ALG6: variants seen among roughly 807,000 people sequenced by gnomAD.
ALG6 encodes ALG6 alpha-1,3-glucosyltransferase.
A neutral mutation model predicts 66.6 loss-of-function variants in ALG6; 46 were observed. That is an observed-to-expected ratio of 0.69 (90% CI 0.55 to 0.88). The LOEUF is 0.88. Ranked by LOEUF, ALG6 falls within the 40% of genes least tolerant of loss-of-function variation. The pLI, the probability that ALG6 is intolerant of heterozygous loss-of-function variation, is 0.00. For missense variants in ALG6, 505 were observed against 586.8 expected (o/e 0.86, Z 1.44); for synonymous variants, 185 against 203.7 (o/e 0.91, Z 0.78).
chr1:63,389,917 C>G (rs1648618003), intron 2 of ALG6, among the ~76,000 whole-genome samples: 1 of 152,208 alleles, frequency 6.6e-6, no homozygotes, highest in African/African-American at 2.4e-5. Flanking sequence ...TTTTCCCTTA[C>G]TTTCCCCCAA....
At chr1:63,402,500 T>G (rs966902150) in intron 4 of ALG6, among the ~76,000 whole-genome samples, 157 bp downstream of exon 4, 9 of 122,902 alleles carry the variant, frequency 7.3e-5, no homozygotes, top group Non-Finnish European at 1.3e-4. Flanking sequence ...GAAGTCTCAC[T>G]CCATCGCCCA....
rs143810984 is a variant in ALG6 at position 63,411,406 on chromosome 1, A to G, written c.680+75A>G. ...TTTTGGCATACTTACTTGCAGTAAG[A>G]TGATCTTTCACTTTGCCTTTTGGTG... On this transcript the variant is annotated intron_variant, in intron 8 of 14. Coordinates refer to ENST00000263440, the MANE Select transcript of ALG6 (RefSeq NM_013339.4). 2.7e-5 allele frequency: 37 copies of G among 1,352,980 alleles called. No homozygotes were observed. In the East Asian group the frequency reaches 8.7e-4, roughly 32 times the overall value. 83.8% of individuals were successfully genotyped at this position (1,352,980 alleles called of 1,614,324 possible).
In ALG6 at chr1:63,370,994, T is replaced by G; in HGVS notation, c.17T>G (p.Leu6Trp). The change falls in exon 2 of 15, where the codon TTG becomes TGG. Residue 6 changes from leucine (L) to tryptophan (W), a missense_variant. Physicochemically the swap from Leu to Trp is moderately conservative, Grantham distance 61. Coordinates refer to ENST00000263440, the MANE Select transcript of ALG6 (RefSeq NM_013339.4). The part of the protein sequence containing the change: MEKWY[L>W]MTVVVLIGLT... ...TGAAGAACTATGGAGAAATGGTACT[T>G]GATGACAGTAGTGGTTTTAATAGGA... 1.2e-6 allele frequency: 2 copies of G among 1,608,992 alleles called. No homozygotes were observed. Among genetic ancestry groups the G allele is most frequent in the Non-Finnish European group, 1.7e-6 (2 of 1,175,414 alleles).
intron 2 of ALG6, among the ~76,000 whole-genome samples, chr1:63,371,630 A>G (rs1171960984): frequency 6.6e-6 from 1 of 151,174 alleles, no homozygotes; most frequent in African/African-American, 2.4e-5. Flanking sequence ...TTTGATACGG[A>G]GCCTCGCTGT....
intron 14 of ALG6, among the ~76,000 whole-genome samples, chr1:63,434,432 C>T (rs1644667181): frequency 6.6e-6 from 1 of 151,988 alleles, no homozygotes; most frequent in African/African-American, 2.4e-5. Context: ...ATGAGGAGAC[C>T]AAGAGTTTTT....
chr1:63,429,367 C>T lies in ALG6; in HGVS notation c.1326+241C>T, dbSNP rs1570090825. On this transcript the variant is annotated intron_variant, in intron 14 of 14. Transcript: ENST00000263440. ...TTCTGTACCCATTAGCATTCATTCCCAATTCTATTCTCACTCCTAACTCCC... is the reference window on the plus strand; with the variant it reads ...TTCTGTACCCATTAGCATTCATTCCTAATTCTATTCTCACTCCTAACTCCC... 9.8e-6 allele frequency: 4 copies of T among 407,026 alleles called. No homozygotes were observed. In the East Asian group the frequency reaches 1.9e-4, roughly 20 times the overall value. The allele number at this position is 407,026 out of a possible 1,614,324, so 25.2% of individuals were successfully genotyped here.
chr1:63,427,305 G>A (rs527529784), intron 12 of ALG6, among the ~76,000 whole-genome samples: 19 of 151,690 alleles, frequency 1.3e-4, no homozygotes, highest in Non-Finnish European at 2.6e-4. Flanking sequence ...GAGCCACTGC[G>A]CCCGGCCTAG....
chr1:63,381,521 G>A (rs1648306388), intron 2 of ALG6, among the ~76,000 whole-genome samples: 1 of 152,036 alleles, frequency 6.6e-6, no homozygotes, highest in Non-Finnish European at 1.5e-5. Flanking sequence ...GCGCATGCCT[G>A]TAGTCCCAGC....
Position 63,404,514 on chromosome 1 carries a change from G to T in ALG6, c.319G>T (p.Ala107Ser). The T allele has an allele frequency of 1.2e-6, 2 of 1,613,716 alleles. No individual in the cohort carries two copies. Among genetic ancestry groups the T allele is most frequent in the Non-Finnish European group, 1.7e-6 (2 of 1,179,722 alleles). Residue 107 changes from alanine (A) to serine (S), a missense_variant, in exon 5 of 15, where the codon GCA becomes TCA. Physicochemically the swap from Ala to Ser is moderately conservative, Grantham distance 99. Coordinates refer to ENST00000263440, the MANE Select transcript of ALG6 (RefSeq NM_013339.4). ...TACATCACGTGGATATGAGAGTCAG[G>T]CACATAAGCTCTTCATGCGTACAAC... Reference protein sequence around the residue: ...LHTSRGYESQAHKLFMRTTVL... With the variant: ...LHTSRGYESQSHKLFMRTTVL...
At position 63,428,978 on chromosome 1, in the gene ALG6, C is replaced by A. The variant is rs1644631363; in HGVS notation, c.1178C>A (p.Thr393Lys). 1.9e-6 allele frequency: 3 copies of A among 1,612,970 alleles called. No homozygotes were observed. The highest frequency in any genetic ancestry group is 2.5e-6 in the Non-Finnish European group (3 of 1,179,622). The change falls in exon 14 of 15, where the codon ACA becomes AAA. Residue 393 changes from threonine to lysine, a missense_variant. Coordinates refer to ENST00000263440, the MANE Select transcript of ALG6 (RefSeq NM_013339.4). ...GAACTCCTAATGCCCTCTGTTGTGA[C>A]AACAATGGCATTTTTTATAGCTTGT... ...KDELLMPSVV[T>K]TMAFFIACVT...
chr1:63,405,157 TCTC>T (rs1348262654), intron 5 of ALG6, among the ~76,000 whole-genome samples: 1 of 152,118 alleles, frequency 6.6e-6, no homozygotes, highest in Non-Finnish European at 1.5e-5. Context: ...CAGAGTTTGT[TCTC>T]CTTACAATTC....
At chr1:63,422,363 A>G (rs1644588088) in intron 12 of ALG6, among the ~76,000 whole-genome samples, 1 of 120,556 alleles carries the variant, frequency 8.3e-6, no homozygotes, top group African/African-American at 3.2e-5. Flanking sequence ...CTATATAAAT[A>G]TAAATATATA....
chr1:63,384,576 TAG>T (rs575779548), intron 2 of ALG6, among the ~76,000 whole-genome samples: 36 of 152,218 alleles, frequency 2.4e-4, no homozygotes, highest in Admixed American at 7.9e-4. Flanking sequence ...ACCAATGTCC[TAG>T]AGAGTTTCCC....
chr1:63,436,901 T>C lies in ALG6; in HGVS notation c.1405T>C (p.Leu469=). 6.2e-7 allele frequency: 1 copy of C among 1,613,936 alleles called. No individual in the cohort carries two copies. The highest frequency in any genetic ancestry group is 8.5e-7 in the Non-Finnish European group (1 of 1,179,822). Residue 469 remains leucine (L), a synonymous_variant, in exon 15 of 15, where the codon TTG becomes CTG. Transcript: ENST00000263440. ...GGATCCTCCTCAGAAACTACCGGAC[T>C]TGTTTTCTGTATTGGTGTGTTTTGT... ...TLDPPQKLPD[L]FSVLVCFVSC... is the part of the protein sequence containing the mutation.
At chr1:63,379,106 C>T (rs537826465) in intron 2 of ALG6, among the ~76,000 whole-genome samples, 3 of 152,046 alleles carry the variant, frequency 2.0e-5, no homozygotes, top group Non-Finnish European at 2.9e-5. Context: ...TCTCCTGACC[C>T]TTGCTCATGG....
intron 2 of ALG6, among the ~76,000 whole-genome samples, chr1:63,372,419 G>A (rs1239079533): frequency 1.3e-5 from 2 of 151,814 alleles, no homozygotes; most frequent in East Asian, 3.9e-4. Flanking sequence ...TACTATATAC[G>A]AAGATACATA....
Position 63,436,893 on chromosome 1 carries a change from T to C in ALG6, c.1397T>C (p.Leu466Pro). 6.2e-7 allele frequency: 1 copy of C among 1,613,932 alleles called. No homozygotes were observed. The highest frequency in any genetic ancestry group is 1.1e-5 in the South Asian group (1 of 91,078). The change falls in exon 15 of 15, where the codon CTA (leucine) becomes CCA (proline). Residue 466 changes from leucine to proline, a missense_variant. Transcript: ENST00000263440. ...MTVTLDPPQK[L>P]PDLFSVLVCF... is the part of the protein sequence containing the mutation. ...GTCACACTGGATCCTCCTCAGAAAC[T>C]ACCGGACTTGTTTTCTGTATTGGTG...
At chr1:63,429,534 C>G (rs77355487) in intron 14 of ALG6, 1,894 of 165,174 alleles carry the variant, frequency 0.011, 33 homozygotes, top group African/African-American at 0.043. Flanking sequence ...ACTAAAAGTT[C>G]AAGATCAAGA....
intron 2 of ALG6, among the ~76,000 whole-genome samples, chr1:63,371,893 G>A (rs1019737464): frequency 1.1e-4 from 16 of 152,266 alleles, no homozygotes; most frequent in African/African-American, 2.6e-4. Context: ...GTGAGCCACC[G>A]CACCCAGCTA....
Sources: allele counts gnomAD v4.1 joint callset (sites outside exome capture counted in the v4.1 genomes callset), GRCh38; gene constraint gnomAD v4.1.1; transcripts MANE v1.5; gene names NCBI Gene and HGNC (gene_info 2026-07-23, HGNC 2026-07-21).